Variants in MCTP1 observed in about 807,000 individuals in gnomAD.
The protein encoded by MCTP1 is multiple C2 and transmembrane domain containing 1, also known as multiple C2 and transmembrane domain-containing protein 1.
MCTP1 carries 69 observed loss-of-function variants against 120.6 expected under a neutral mutation model. The observed-to-expected ratio is 0.57, with a 90% confidence interval of 0.47 to 0.70. MCTP1 has a LOEUF of 0.70. Among genes scored for constraint, MCTP1 ranks in the 30% least tolerant of loss-of-function variants. MCTP1 has a pLI of 0.00. For synonymous variants in MCTP1, 529 were observed against 493.1 expected (o/e 1.07, Z -0.96); for missense variants, 1,203 against 1,248.8 (o/e 0.96, Z 0.55).
chr5:95,237,954 C>G (rs1025821088), intron 1 of MCTP1, among the ~76,000 whole-genome samples: 1 of 152,142 alleles, frequency 6.6e-6, no homozygotes, highest in African/African-American at 2.4e-5. Flanking sequence ...CTGGGCCAAT[C>G]TGCAAACCAT....
At chr5:95,057,567 TTAAA>T (rs1474887074) in intron 1 of MCTP1, among the ~76,000 whole-genome samples, 3 of 152,230 alleles carry the variant, frequency 2.0e-5, no homozygotes, top group South Asian at 2.1e-4. Flanking sequence ...TTTAAAATAC[TTAAA>T]TAGTGACTAA....
At chr5:95,001,066 G>T (rs115717085) in intron 2 of MCTP1, among the ~76,000 whole-genome samples, 1 of 152,304 alleles carries the variant, frequency 6.6e-6, no homozygotes, top group East Asian at 1.9e-4. Context: ...CACCACACCT[G>T]ATGGTTTTAT....
intron 1 of MCTP1, among the ~76,000 whole-genome samples, chr5:95,109,701 T>A (rs1229298759): frequency 6.6e-6 from 1 of 152,200 alleles, no homozygotes; most frequent in African/African-American, 2.4e-5. Context: ...GAGGGAGCTA[T>A]TTTTTAGACA....
intron 1 of MCTP1, among the ~76,000 whole-genome samples, chr5:95,267,143 T>C (rs148247898): frequency 6.6e-6 from 1 of 152,338 alleles, no homozygotes; most frequent in Non-Finnish European, 1.5e-5. Flanking sequence ...CCCTTTACCA[T>C]GCTTTAGATC....
chr5:94,712,866 C>G (rs1011584306), intron 20 of MCTP1, among the ~76,000 whole-genome samples: 2 of 152,000 alleles, frequency 1.3e-5, no homozygotes, highest in Admixed American at 6.6e-5. Context: ...AGGGCACTGG[C>G]TCTTCACTCA....
At chr5:94,853,203 G>C (rs369285603) in intron 17 of MCTP1, among the ~76,000 whole-genome samples, 1 of 151,880 alleles carries the variant, frequency 6.6e-6, no homozygotes. Context: ...TAGGTAGGGC[G>C]GGGGAGAGAA....
intron 17 of MCTP1, among the ~76,000 whole-genome samples, chr5:94,808,239 A>G (rs1782751567): frequency 6.6e-6 from 1 of 152,166 alleles, no homozygotes; most frequent in South Asian, 2.1e-4. Flanking sequence ...TGGTTCCACT[A>G]AAGCTTTTTG....
chr5:95,003,572 T>C (rs1257759997), intron 2 of MCTP1, among the ~76,000 whole-genome samples: 1 of 152,200 alleles, frequency 6.6e-6, no homozygotes, highest in African/African-American at 2.4e-5. Flanking sequence ...AGTCTTTGGG[T>C]GTCAATGAGT....
rs926682417 is a variant in MCTP1, at chr5:95,099,656, C to T, written c.721-82172G>A. 2.5e-3 allele frequency among the ~76,000 whole-genome samples: 376 copies of T among 149,904 alleles called. 1 individual carries two copies. The highest frequency in any genetic ancestry group is 8.7e-3 in the African/African-American group (352 of 40,600). On this transcript the variant is annotated intron_variant, in intron 1 of 22. Coordinates refer to ENST00000515393, the MANE Select transcript of MCTP1 (RefSeq NM_024717.7). ...TGGAAAGGATGTGGAGAAATAGGAA[C>T]ACTTTTACACTGTTGGTGGGACTGT...
intron 2 of MCTP1, among the ~76,000 whole-genome samples, chr5:94,961,815 A>G (rs1376764819): frequency 1.3e-5 from 2 of 152,208 alleles, no homozygotes; most frequent in Non-Finnish European, 2.9e-5. Flanking sequence ...TGAAGCTACA[A>G]TTAATAACTA....
At chr5:95,196,125 G>C (rs879879191) in intron 1 of MCTP1, among the ~76,000 whole-genome samples, 5 of 152,144 alleles carry the variant, frequency 3.3e-5, no homozygotes, top group African/African-American at 7.2e-5. Flanking sequence ...TTAAGTGTCT[G>C]AGCAGACAAA....
chr5:94,942,772 A>G (rs1818047111), intron 3 of MCTP1, among the ~76,000 whole-genome samples: 1 of 152,102 alleles, frequency 6.6e-6, no homozygotes, highest in Non-Finnish European at 1.5e-5. Context: ...TGATGAGAAT[A>G]TGATTCCAAT....
chr5:95,189,728 T>C (rs1749626414), intron 1 of MCTP1, among the ~76,000 whole-genome samples: 1 of 152,160 alleles, frequency 6.6e-6, no homozygotes, highest in East Asian at 1.9e-4. Flanking sequence ...CTAAGGTCTA[T>C]ATTTCCGTGA....
chr5:94,735,381 C>A (rs780003605), intron 19 of MCTP1, among the ~76,000 whole-genome samples: 4 of 150,458 alleles, frequency 2.7e-5, no homozygotes, highest in African/African-American at 4.9e-5. Flanking sequence ...CTGGCTCAAG[C>A]AATCCTCCCA....
chr5:94,871,627 A>G (rs1409795805), intron 13 of MCTP1, among the ~76,000 whole-genome samples: 2 of 152,122 alleles, frequency 1.3e-5, no homozygotes, highest in Non-Finnish European at 2.9e-5. Context: ...ATTATCTGTA[A>G]CTTTAAACAC....
intron 1 of MCTP1, among the ~76,000 whole-genome samples, chr5:95,182,833 C>T (rs534694414): frequency 6.6e-6 from 1 of 152,094 alleles, no homozygotes; most frequent in Admixed American, 6.5e-5. Context: ...ACCATCCTGG[C>T]TAACATGGTA....
At chr5:95,191,366 C>T (rs1749811814) in intron 1 of MCTP1, among the ~76,000 whole-genome samples, 1 of 151,910 alleles carries the variant, frequency 6.6e-6, no homozygotes, top group South Asian at 2.1e-4. Context: ...CGAAGTGCCC[C>T]TAGGTTTCAA....
intron 1 of MCTP1, among the ~76,000 whole-genome samples, chr5:95,057,041 T>C (rs1747577150): frequency 6.6e-6 from 1 of 152,158 alleles, no homozygotes; most frequent in South Asian, 2.1e-4. Context: ...TAAAAGGGGA[T>C]TGAAAAATAC....
chr5:95,265,443 A>G (rs1758806800), intron 1 of MCTP1, among the ~76,000 whole-genome samples: 2 of 152,182 alleles, frequency 1.3e-5, no homozygotes, highest in Non-Finnish European at 2.9e-5. Context: ...ATCCTTCTGA[A>G]TCATCCACCA....
Sources: allele counts gnomAD v4.1 joint callset (sites outside exome capture counted in the v4.1 genomes callset), GRCh38; gene constraint gnomAD v4.1.1; transcripts MANE v1.5; gene names NCBI Gene and HGNC (gene_info 2026-07-23, HGNC 2026-07-21).